Variants in MARK4 observed in about 807,000 individuals in gnomAD.
MARK4 encodes microtubule affinity regulating kinase 4.
In MARK4, 19 loss-of-function variants were observed where a neutral mutation model predicts 81.5. The observed-to-expected ratio is 0.23, with a 90% CI of 0.16 to 0.34. The LOEUF (loss-of-function observed/expected upper bound fraction) is 0.34, where lower values mean the gene tolerates loss of function less well. Among genes scored for constraint, MARK4 ranks in the 10% least tolerant of loss-of-function variants. MARK4 has a pLI of 1.00. For missense variants in MARK4, 772 were observed against 1,058.8 expected, an observed-to-expected ratio of 0.73 and a Z score of 3.76; for synonymous variants, 436 against 439.0, an observed-to-expected ratio of 0.99 and a Z score of 0.08.
At chr19:45,260,244 G>A (rs1388790630) in intron 2 of MARK4, among the ~76,000 whole-genome samples, 3 of 149,060 alleles carry the variant, frequency 2.0e-5, no homozygotes, top group Non-Finnish European at 3.0e-5. Flanking sequence ...ATAAAGATTA[G>A]CTTGGTGTGA....
At position 45,297,995 on chromosome 19, in the gene MARK4, G is replaced by A. The variant is rs763877365; in HGVS notation, c.1877+41G>A. On this transcript the variant is annotated intron_variant, in intron 15 of 16. Transcript: ENST00000262891. The stretch of plus-strand genomic sequence containing the variant: ...ATGGCAGGGGCAGGGCGGGGCGGGG[G>A]GCCGATGGGACCTAACCTGTCTTCC... 26 of 1,548,984 alleles carry A rather than the reference G, an allele frequency of 1.7e-5. No homozygotes were observed. In the African/African-American group the frequency reaches 3.3e-4, roughly 20 times the overall value.
At chr19:45,300,834 G>T (rs771906983) in intron 16 of MARK4, among the ~76,000 whole-genome samples, 9 of 152,094 alleles carry the variant, frequency 5.9e-5, no homozygotes, top group Non-Finnish European at 1.2e-4. Context: ...TGGTTGGTCA[G>T]ACCTGGTCAT....
intron 1 of MARK4, among the ~76,000 whole-genome samples, chr19:45,253,839 C>T (rs1460158278): frequency 6.6e-6 from 1 of 152,138 alleles, no homozygotes; most frequent in African/African-American, 2.4e-5. Context: ...TCTGTCCCTC[C>T]CTAGCTGTGT....
At chr19:45,251,981 G>T (rs529912727) in intron 1 of MARK4, among the ~76,000 whole-genome samples, 290 of 150,634 alleles carry the variant, frequency 1.9e-3, no homozygotes, top group Non-Finnish European at 3.5e-3. Context: ...GGCCGTCCGC[G>T]TCCGACACCT....
chr19:45,255,952 T>G (rs1970302818), intron 1 of MARK4, among the ~76,000 whole-genome samples: 1 of 152,212 alleles, frequency 6.6e-6, no homozygotes, highest in Non-Finnish European at 1.5e-5. Context: ...GCAGGTGACC[T>G]GCGGGGGAGA....
intron 7 of MARK4, among the ~76,000 whole-genome samples, chr19:45,268,541 G>A (rs1053579169): frequency 5.3e-5 from 8 of 150,310 alleles, no homozygotes; most frequent in African/African-American, 1.7e-4. Flanking sequence ...CCAAGATCGC[G>A]CCAGTGCACT....
intron 13 of MARK4, among the ~76,000 whole-genome samples, chr19:45,293,464 A>G (rs149673326): frequency 2.4e-3 from 365 of 152,368 alleles, no homozygotes; most frequent in Non-Finnish European, 4.3e-3. Flanking sequence ...ACATTACTTT[A>G]AAAACACACT....
At chr19:45,256,917 A>C (rs1279532660) in intron 1 of MARK4, among the ~76,000 whole-genome samples, 1 of 152,016 alleles carries the variant, frequency 6.6e-6, no homozygotes, top group African/African-American at 2.4e-5. Flanking sequence ...CATCATTATT[A>C]TAATAGCTGT....
intron 1 of MARK4, among the ~76,000 whole-genome samples, chr19:45,258,447 C>T (rs893530920): frequency 6.6e-6 from 1 of 152,042 alleles, no homozygotes; most frequent in African/African-American, 2.4e-5. Context: ...CGGTGGCTCA[C>T]ATCTGTAATC....
rs1970982894 is a variant in MARK4 at position 45,302,084 on chromosome 19, T to C, written c.1923-290T>C. ...CTGGGAGATGTGGGACAGGAGAGCCTGGCACATGCAGGTTCTTTGAAGGAA... is the reference window on the plus strand; with the variant it reads ...CTGGGAGATGTGGGACAGGAGAGCCCGGCACATGCAGGTTCTTTGAAGGAA... On this transcript the variant is annotated intron_variant, in intron 16 of 16. Transcript: ENST00000262891. The surrounding 1 kb of genome is among the most constrained non-coding windows in gnomAD (Gnocchi z 4.9). Among the ~76,000 whole-genome samples, 1 of 152,106 alleles carries C rather than the reference T, an allele frequency of 6.6e-6. No homozygotes were observed. Among genetic ancestry groups the C allele is most frequent in the African/African-American group, 2.4e-5 (1 of 41,414 alleles).
At chr19:45,284,744 C>G (rs771071472) in intron 12 of MARK4, among the ~76,000 whole-genome samples, 5 of 151,968 alleles carry the variant, frequency 3.3e-5, no homozygotes, top group Non-Finnish European at 7.4e-5. Flanking sequence ...CTTGAGCTCT[C>G]AAGTTCGACA....
Position 45,263,467 on chromosome 19 carries a change from C to T in MARK4, c.355+100C>T, listed in dbSNP as rs953220234. 70 of 1,462,462 alleles carry T rather than the reference C, an allele frequency of 4.8e-5. 1 individual carries two copies. Among genetic ancestry groups the T allele is most frequent in the Non-Finnish European group, 6.4e-5 (67 of 1,050,158 alleles). The allele number at this position is 1,462,462 out of a possible 1,614,324, so 90.6% of individuals were successfully genotyped here. A position where few individuals can be genotyped will look rare whatever the true frequency, so the allele number is the denominator to read the frequency against. ...TTAGAATAGTTGGAGACCCACCAGG[C>T]GCAGTGGCTCACTCCTGTAATCCCA... On this transcript the variant is annotated intron_variant, in intron 4 of 16. Transcript: ENST00000262891.
rs916694818 is a variant in MARK4, at chr19:45,283,281, C to T, written c.1276+2547C>T. On this transcript the variant is annotated intron_variant, in intron 12 of 16. Transcript: ENST00000262891. ...AAAATTAGCCGGGCGTAGTGGCAGG[C>T]GTCTGTAATCCCAGCTACTCAGGAG... 1.5e-3 allele frequency among the ~76,000 whole-genome samples: 223 copies of T among 151,588 alleles called. 3 individuals are homozygous for T. Among genetic ancestry groups the T allele is most frequent in the Non-Finnish European group, 4.1e-4 (28 of 67,842 alleles).
intron 7 of MARK4, among the ~76,000 whole-genome samples, chr19:45,267,461 C>A (rs1294167978): frequency 2.0e-5 from 3 of 152,170 alleles, no homozygotes; most frequent in African/African-American, 7.2e-5. Context: ...GCCAGGCAGC[C>A]TCCTCGAGTA....
chr19:45,277,827 GTGTGTGTGT>G (rs1224670870), intron 8 of MARK4, 87 bp from the exon 9 acceptor site: 1 of 175,836 alleles, frequency 5.7e-6, no homozygotes, highest in African/African-American at 8.8e-5. Flanking sequence ...CAAAGGTTGT[GTGTGTGTGT>G]GTGTGTGTGT....
rs773896575 is a variant in MARK4, at chr19:45,303,763, A to G, written c.*1053A>G. 1.3e-5 allele frequency: 2 copies of G among 152,270 alleles called. No individual in the cohort carries two copies. The highest frequency in any genetic ancestry group is 2.4e-5 in the African/African-American group (1 of 41,470). The allele number at this position is 152,270 out of a possible 1,614,324, so 9.4% of individuals were successfully genotyped here. A position where few individuals can be genotyped will look rare whatever the true frequency, so the allele number is the denominator to read the frequency against. On this transcript the variant is annotated 3_prime_UTR_variant, in exon 17 of 17. Transcript: ENST00000262891. ...GGGAGACAGGGATTCTGACACAGAC[A>G]CCGGACAAACCATTGTCTTGGGGAG...
intron 7 of MARK4, among the ~76,000 whole-genome samples, chr19:45,270,117 C>T (rs768696028): frequency 6.6e-5 from 10 of 152,178 alleles, no homozygotes; most frequent in Middle Eastern, 3.4e-3. Context: ...CGTGAGCTAC[C>T]GCGCCCGGCC....
At chr19:45,278,677 C>T (rs369723245) in intron 10 of MARK4, 62 bp downstream of exon 10, 1 of 1,240,764 alleles carries the variant, frequency 8.1e-7, no homozygotes. Flanking sequence ...AATCTCGGCT[C>T]ACTGCAACCT....
rs750441925 is a variant in MARK4 at position 45,287,681 on chromosome 19, G to T, written c.1494+17G>T. On this transcript the variant is annotated intron_variant, in intron 13 of 16. Coordinates refer to ENST00000262891, the MANE Select transcript of MARK4 (RefSeq NM_001199867.2). ...AGCACCCCCGTGAGTGACCAGGGCT[G>T]GGGGGCAGGGCTGGGGGCGCCACCT... 7 of 1,599,984 alleles carry T rather than the reference G, an allele frequency of 4.4e-6. No homozygotes were observed. In the South Asian group the frequency reaches 4.5e-5, roughly 10 times the overall value.
Sources: gnomAD v4.1 joint callset for allele counts (sites outside exome capture counted in the v4.1 genomes callset) on GRCh38, gnomAD v4.1.1 for gene constraint, Gnocchi (gnomAD v3.1) non-coding constraint, MANE v1.5 for transcripts, NCBI Gene and HGNC (gene_info 2026-07-23, HGNC 2026-07-21) for gene names.